Variants in CPNE3 observed in about 807,000 individuals in gnomAD.
CPNE3 encodes copine-3.
CPNE3 carries 68 observed loss-of-function variants against 63.9 expected under a neutral mutation model. The ratio of observed to expected loss-of-function variants is 1.06; its 90% CI spans 0.87 to 1.30. The LOEUF is 1.30. Ranked by LOEUF, CPNE3 falls within the 50% of genes most tolerant of loss-of-function variation. The pLI is 0.00. For missense variants in CPNE3, 665 were observed against 578.1 expected (o/e 1.15, Z -1.54); for synonymous variants, 219 against 197.5 (o/e 1.11, Z -0.91).
rs577582635 is a variant in CPNE3 at position 86,526,725 on chromosome 8, C to T, written c.-10-1811C>T. On this transcript the variant is annotated intron_variant, in intron 2 of 16. Transcript: ENST00000517490. ...CGAGGTTTCACCATGTTGACCAGGC[C>T]GGTCTTGAACTCCTGACCTCAAGTG... Among the ~76,000 whole-genome samples, 15 of 152,098 alleles carry T rather than the reference C, an allele frequency of 9.9e-5. 1 individual carries two copies. In the East Asian group the frequency reaches 1.4e-3, roughly 14 times the overall value.
intron 14 of CPNE3, among the ~76,000 whole-genome samples, chr8:86,553,190 A>G (rs1586850843): frequency 6.6e-6 from 1 of 151,798 alleles, no homozygotes; most frequent in African/African-American, 2.4e-5. Flanking sequence ...TACCTTTGTT[A>G]CTACTGGACT....
chr8:86,540,566 C>T (rs941925660), intron 8 of CPNE3, among the ~76,000 whole-genome samples: 1 of 151,996 alleles, frequency 6.6e-6, no homozygotes, highest in Non-Finnish European at 1.5e-5. Context: ...CAAACAGTGT[C>T]GTTTCTATTT....
chr8:86,535,554 A>G (rs1182903327), intron 6 of CPNE3, among the ~76,000 whole-genome samples: 1 of 151,936 alleles, frequency 6.6e-6, no homozygotes, highest in Admixed American at 6.6e-5. Context: ...TGTAGTCCCA[A>G]CTACTCAAGA....
intron 6 of CPNE3, among the ~76,000 whole-genome samples, chr8:86,535,377 A>T (rs1422907305): frequency 6.6e-6 from 1 of 151,886 alleles, no homozygotes; most frequent in Non-Finnish European, 1.5e-5. Flanking sequence ...TTTCCAATTC[A>T]AATATAGAAT....
chr8:86,530,246 T>G (rs1185716229), intron 4 of CPNE3, among the ~76,000 whole-genome samples: 8 of 150,218 alleles, frequency 5.3e-5, no homozygotes, highest in African/African-American at 2.0e-4. Flanking sequence ...CACAGCTCAC[T>G]ACAGCCTTGA....
chr8:86,523,137 A>G (rs921834618), intron 2 of CPNE3, among the ~76,000 whole-genome samples: 2 of 152,348 alleles, frequency 1.3e-5, no homozygotes, highest in South Asian at 2.1e-4. Context: ...TAGAGTGTCT[A>G]TTATATGCTG....
intron 6 of CPNE3, among the ~76,000 whole-genome samples, chr8:86,535,802 T>C (rs941383677): frequency 6.6e-6 from 1 of 152,188 alleles, no homozygotes; most frequent in African/African-American, 2.4e-5. Context: ...AATAAAAATA[T>C]CAATATTATT....
chr8:86,515,379 T>A (rs369391236), intron 1 of CPNE3, 83 bp from the exon 2 acceptor site: 5 of 152,350 alleles, frequency 3.3e-5, no homozygotes. Flanking sequence ...CCACAACAAC[T>A]GTGCTAGACA....
chr8:86,528,736 A>G (rs985752779), intron 3 of CPNE3, 59 bp downstream of exon 3: 4 of 1,533,082 alleles, frequency 2.6e-6, no homozygotes, highest in African/African-American at 1.4e-5. Context: ...CAATGTGAAG[A>G]GTTTTTTTAA....
At chr8:86,539,660 G>GTTTTTTTTT in intron 7 of CPNE3, among the ~76,000 whole-genome samples, 1 of 108,152 alleles carries the variant, frequency 9.2e-6, no homozygotes, top group Non-Finnish European at 1.8e-5. Context: ...ATCCTCCGCA[G>GTTTTTTTTT]TTTTTTTTTT....
chr8:86,533,128 G>C (rs2131452212), intron 6 of CPNE3, among the ~76,000 whole-genome samples: 1 of 152,072 alleles, frequency 6.6e-6, no homozygotes, highest in Middle Eastern at 3.4e-3. Context: ...CTGGGCTCAA[G>C]CAATCCTCCC....
intron 16 of CPNE3, 133 bp from the exon 17 acceptor site, chr8:86,558,155 C>T: frequency 1.6e-6 from 1 of 643,498 alleles, no homozygotes; most frequent in South Asian, 2.1e-5. Flanking sequence ...ATGGGCGGTT[C>T]CTAAGAAAAG....
intron 7 of CPNE3, among the ~76,000 whole-genome samples, chr8:86,539,660 G>GT (rs369540210): frequency 0.068 from 7,364 of 108,110 alleles, 716 homozygotes; most frequent in Non-Finnish European, 0.08. Flanking sequence ...ATCCTCCGCA[G>GT]TTTTTTTTTT....
In CPNE3 at chr8:86,546,699, A is replaced by G; in HGVS notation, c.819+18A>G. ...AGTGTGAGGTCCGTTGGCCTTGGCTACTTATTTTTATTTATTTATTTATTC... is the reference window on the plus strand; with the variant it reads ...AGTGTGAGGTCCGTTGGCCTTGGCTGCTTATTTTTATTTATTTATTTATTC... On this transcript the variant is annotated intron_variant, in intron 10 of 16. Transcript: ENST00000517490. 3 of 1,578,806 alleles carry G rather than the reference A, an allele frequency of 1.9e-6. No individual in the cohort carries two copies. The highest frequency in any genetic ancestry group is 2.6e-6 in the Non-Finnish European group (3 of 1,169,372).
intron 4 of CPNE3, among the ~76,000 whole-genome samples, 161 bp from the exon 5 acceptor site, chr8:86,530,994 A>G (rs1054402484): frequency 2.0e-5 from 3 of 152,118 alleles, no homozygotes; most frequent in Admixed American, 1.3e-4. Context: ...ACCTGGCTCT[A>G]AATATGTAGA....
intron 12 of CPNE3, 51 bp from the exon 13 acceptor site, chr8:86,550,995 C>A: frequency 6.7e-7 from 1 of 1,491,658 alleles, no homozygotes; most frequent in Middle Eastern, 2.2e-4. Flanking sequence ...AAAGATAAAG[C>A]TTTTTATTTT....
In CPNE3 at chr8:86,560,700, A is replaced by C. The variant is rs759958226; in HGVS notation, c.*2290A>C. ...ACTAGGGTAATTGGTGCCTTTTTACAGTTTTGAATAAAAGCATTTACAATT... is the reference window on the plus strand; with the variant it reads ...ACTAGGGTAATTGGTGCCTTTTTACCGTTTTGAATAAAAGCATTTACAATT... On this transcript the variant is annotated 3_prime_UTR_variant, in exon 17 of 17. Transcript: ENST00000517490. 3 of 152,194 alleles carry C rather than the reference A, an allele frequency of 2.0e-5. No individual in the cohort carries two copies. Among genetic ancestry groups the C allele is most frequent in the African/African-American group, 4.8e-5 (2 of 41,448 alleles). The allele number at this position is 152,194 out of a possible 1,614,324, so 9.4% of individuals were successfully genotyped here. A position where few individuals can be genotyped will look rare whatever the true frequency, so the allele number is the denominator to read the frequency against.
At chr8:86,550,929 T>C in intron 12 of CPNE3, 117 bp from the exon 13 acceptor site, 1 of 1,005,966 alleles carries the variant, frequency 9.9e-7, no homozygotes. Flanking sequence ...ATATAGGTAA[T>C]CTTTGTTTTA....
intron 14 of CPNE3, among the ~76,000 whole-genome samples, chr8:86,552,393 G>C (rs1373466241): frequency 6.6e-6 from 1 of 151,974 alleles, no homozygotes. Flanking sequence ...TTTGAAACTG[G>C]GAATGTTATT....
Sources: gnomAD v4.1 joint callset for allele counts (sites outside exome capture counted in the v4.1 genomes callset) on GRCh38, gnomAD v4.1.1 for gene constraint, MANE v1.5 for transcripts, NCBI Gene and HGNC (gene_info 2026-07-23, HGNC 2026-07-21) for gene names.